The following ZNF714 variants were observed in gnomAD, a reference collection of about 807,000 sequenced individuals.
The protein encoded by ZNF714 is zinc finger protein 714.
Under a neutral mutation model 46.2 loss-of-function variants are expected in ZNF714, and 32 were observed. The ratio of observed to expected loss-of-function variants is 0.69; its 90% CI spans 0.52 to 0.93. ZNF714 has a LOEUF of 0.93. Among genes scored for constraint, ZNF714 ranks in the 40% least tolerant of loss-of-function variants. ZNF714 has a pLI of 0.00. For synonymous variants in ZNF714, 199 were observed against 213.1 expected (o/e 0.93, Z 0.58); for missense variants, 635 against 646.3 (o/e 0.98, Z 0.19).
At chr19:21,097,721 A>G (rs2144841298) in intron 2 of ZNF714, among the ~76,000 whole-genome samples, 1 of 152,024 alleles carries the variant, frequency 6.6e-6, no homozygotes, top group Non-Finnish European at 1.5e-5. Flanking sequence ...AAACATTGGC[A>G]TTGCTAGTAA....
At position 21,117,450 on chromosome 19, in the gene ZNF714, T is replaced by G; in HGVS notation, c.786T>G (p.Cys262Trp). 6.2e-7 allele frequency: 1 copy of G among 1,612,376 alleles called. No homozygotes were observed. Among genetic ancestry groups the G allele is most frequent in the Non-Finnish European group, 8.5e-7 (1 of 1,179,000 alleles). Residue 262 changes from cysteine to tryptophan, a missense_variant, in exon 5 of 5, where the codon TGT (cysteine) becomes TGG (tryptophan). Transcript: ENST00000456283. Reference protein sequence around the residue: ...TGEKPFKCEECGKAFNHPSAL... With the variant: ...TGEKPFKCEEWGKAFNHPSAL... Reference sequence around the variant, plus strand: ...AGAAGCCCTTCAAATGTGAAGAATGTGGTAAAGCTTTTAACCACCCTTCAG... The same window carrying G: ...AGAAGCCCTTCAAATGTGAAGAATGGGGTAAAGCTTTTAACCACCCTTCAG...
intron 4 of ZNF714, among the ~76,000 whole-genome samples, chr19:21,099,917 G>A (rs955440926): frequency 1.3e-5 from 2 of 152,140 alleles, no homozygotes; most frequent in African/African-American, 4.8e-5. Context: ...GTGCAGTGGT[G>A]CAATCTCAGC....
chr19:21,106,991 T>C (rs912573686), intron 4 of ZNF714, among the ~76,000 whole-genome samples: 13 of 151,958 alleles, frequency 8.6e-5, no homozygotes, highest in African/African-American at 2.7e-4. Context: ...CACACCCCGC[T>C]AATTTTTGTA....
chr19:21,082,612 C>T (rs968792719), intron 1 of ZNF714, among the ~76,000 whole-genome samples: 1 of 152,128 alleles, frequency 6.6e-6, no homozygotes, highest in African/African-American at 2.4e-5. Flanking sequence ...GGACCCTCAG[C>T]GGCGCGTCTC....
Position 21,116,882 on chromosome 19 carries a change from G to C in ZNF714, c.218G>C (p.Arg73Thr). The C allele has an allele frequency of 1.2e-6, 2 of 1,613,858 alleles. No individual in the cohort carries two copies. Among genetic ancestry groups the C allele is most frequent in the Admixed American group, 1.7e-5 (1 of 60,000 alleles). Residue 73 changes from arginine (R) to threonine (T), a missense_variant, in exon 5 of 5, where the codon AGA becomes ACA. By Grantham distance (71) the Arg-to-Thr change is moderately conservative. Transcript: ENST00000456283. ...IKDSFQQVILRRHGKCEHENL... is the reference protein window; with the variant it reads ...IKDSFQQVILTRHGKCEHENL... Reference sequence around the variant, plus strand: ...GATTCTTTTCAACAAGTGATACTGAGAAGACATGGCAAATGTGAACATGAG... The same window carrying C: ...GATTCTTTTCAACAAGTGATACTGACAAGACATGGCAAATGTGAACATGAG...
At chr19:21,092,545 A>T (rs918708345) in intron 2 of ZNF714, among the ~76,000 whole-genome samples, 3 of 152,102 alleles carry the variant, frequency 2.0e-5, no homozygotes, top group African/African-American at 7.2e-5. Flanking sequence ...AACTCCGTCC[A>T]CTTACATTGC....
At chr19:21,103,446 A>G (rs1284079069) in intron 4 of ZNF714, among the ~76,000 whole-genome samples, 1 of 152,094 alleles carries the variant, frequency 6.6e-6, no homozygotes, top group African/African-American at 2.4e-5. Context: ...CGGGCTACAC[A>G]GGAGACTGAG....
At chr19:21,090,878 T>C (rs1210789088) in intron 2 of ZNF714, 2 of 9,536 alleles carry the variant, frequency 2.1e-4, no homozygotes, top group Non-Finnish European at 1.3e-3. Context: ...TCTCCTTTTT[T>C]TTTTTTTTTT....
In ZNF714 at chr19:21,120,527, TTTA is replaced by T. The variant is rs1360731831; in HGVS notation, c.*2198_*2200del. ...TCTGCATTATGAAAAAACATTTAAT[TTTA>T]TTTAAAATTTAGTTTATCATACTAA... On this transcript the variant is annotated 3_prime_UTR_variant, in exon 5 of 5. Coordinates refer to ENST00000456283, the MANE Select transcript of ZNF714 (RefSeq NM_182515.4). 2.7e-5 allele frequency: 3 copies of T among 112,064 alleles called. No individual in the cohort carries two copies. Among genetic ancestry groups the T allele is most frequent in the Non-Finnish European group, 5.9e-5 (3 of 50,558 alleles). 6.9% of individuals were successfully genotyped at this position (112,064 alleles called of 1,614,324 possible).
In ZNF714 at chr19:21,117,783, ATG is replaced by A. The variant is rs771875724; in HGVS notation, c.1122_1123del (p.Cys374TrpfsTer5). On this transcript the variant is annotated frameshift_variant, in exon 5 of 5. Coordinates refer to ENST00000456283, the MANE Select transcript of ZNF714 (RefSeq NM_182515.4). LOFTEE classifies it high-confidence loss of function. The stretch of plus-strand genomic sequence containing the variant: ...GAGAGAAACCCTACAAATGTGAAGA[ATG>A]TGGCAAAGCCTTTAACCACTCCTCA... ...TGEKPYKCEE[C>X]GKAFNHSSKL... 1.9e-6 allele frequency: 3 copies of A among 1,613,648 alleles called. No individual in the cohort carries two copies. The East Asian group carries it at 6.7e-5, about 36-fold the overall frequency.
chr19:21,084,702 A>ATT lies in ZNF714; in HGVS notation c.-85+652_-85+653dup, dbSNP rs36069214. Among the ~76,000 whole-genome samples the ATT allele has an allele frequency of 3.4e-3, 459 of 135,238 alleles. 7 individuals carry two copies. Among genetic ancestry groups the ATT allele is most frequent in the African/African-American group, 0.012 (419 of 35,446 alleles). 88.7% of individuals were successfully genotyped at this position (135,238 alleles called of 152,430 possible). A position where few individuals can be genotyped will look rare whatever the true frequency, so the allele number is the denominator to read the frequency against. On this transcript the variant is annotated intron_variant, in intron 2 of 4. Coordinates refer to ENST00000456283, the MANE Select transcript of ZNF714 (RefSeq NM_182515.4). Reference sequence around the variant, plus strand: ...ATTAGTAGGGCTTGAAAGGTAGGAAATTTTTTTTTTTTTTTTTTTTGAGAC... The same window carrying ATT: ...ATTAGTAGGGCTTGAAAGGTAGGAAATTTTTTTTTTTTTTTTTTTTTTGAGAC...
chr19:21,095,551 G>C (rs1490419824), intron 2 of ZNF714, among the ~76,000 whole-genome samples: 1 of 151,542 alleles, frequency 6.6e-6, no homozygotes, highest in African/African-American at 2.4e-5. Flanking sequence ...CAAGCTCCGT[G>C]TCCCGGGTTC....
At chr19:21,100,853 G>A (rs188155505) in intron 4 of ZNF714, among the ~76,000 whole-genome samples, 20 of 151,220 alleles carry the variant, frequency 1.3e-4, no homozygotes, top group Admixed American at 9.2e-4. Flanking sequence ...GACTACAGGC[G>A]CCCACCACTA....
rs142277804 is a variant in ZNF714 at position 21,096,520 on chromosome 19, C to G, written c.-84-1665C>G. On this transcript the variant is annotated intron_variant, in intron 2 of 4. Transcript: ENST00000456283. ...ACTTCTCTACTTCTGTTTTCCCTCC[C>G]CAATGATTTTGTTTCACATACTTTT... Among the ~76,000 whole-genome samples the G allele has an allele frequency of 5.3e-5, 8 of 152,286 alleles. No individual in the cohort carries two copies. The East Asian group carries it at 1.5e-3, about 29-fold the overall frequency.
chr19:21,091,425 A>G (rs1968906474), intron 2 of ZNF714: 2 of 152,144 alleles, frequency 1.3e-5, no homozygotes, highest in Admixed American at 6.5e-5. Context: ...ATGCCTAACC[A>G]TCTTGGAATG....
chr19:21,105,495 T>C (rs1969289279), intron 4 of ZNF714, among the ~76,000 whole-genome samples: 1 of 151,910 alleles, frequency 6.6e-6, no homozygotes, highest in South Asian at 2.1e-4. Context: ...TTCTGAAGTA[T>C]AGTGTAGTTA....
chr19:21,085,748 A>G (rs1968761681), intron 2 of ZNF714, among the ~76,000 whole-genome samples: 1 of 152,198 alleles, frequency 6.6e-6, no homozygotes, highest in African/African-American at 2.4e-5. Flanking sequence ...AGCCCTGGAA[A>G]GCTGAGGACC....
In ZNF714 at chr19:21,098,228, A is replaced by G; in HGVS notation, c.-41A>G. On this transcript the variant is annotated 5_prime_UTR_variant, in exon 3 of 5. Transcript: ENST00000456283. ...GATGTGGCCATAGAATTCTCTCTGGAGGAGTGGGAATGCCTGAACCCTGCT... is the reference window on the plus strand; with the variant it reads ...GATGTGGCCATAGAATTCTCTCTGGGGGAGTGGGAATGCCTGAACCCTGCT... The G allele has an allele frequency of 6.2e-7, 1 of 1,612,598 alleles. No homozygotes were observed. The highest frequency in any genetic ancestry group is 8.5e-7 in the Non-Finnish European group (1 of 1,179,734).
intron 2 of ZNF714, among the ~76,000 whole-genome samples, chr19:21,090,719 G>A (rs1357777054): frequency 6.6e-6 from 1 of 152,034 alleles, no homozygotes; most frequent in African/African-American, 2.4e-5. Flanking sequence ...TTCAGGGCAA[G>A]TCCATAAAGT....
Sources: gnomAD v4.1 joint callset for allele counts (sites outside exome capture counted in the v4.1 genomes callset) on GRCh38, gnomAD v4.1.1 for gene constraint, MANE v1.5 for transcripts, NCBI Gene and HGNC (gene_info 2026-07-23, HGNC 2026-07-21) for gene names.